The following ZSWIM5 variants were observed in gnomAD, a reference collection of about 807,000 sequenced individuals.
ZSWIM5 encodes the protein zinc finger SWIM-type containing 5, also known as zinc finger SWIM domain-containing protein 5.
ZSWIM5 carries 55 observed loss-of-function variants against 119.6 expected under a neutral mutation model. The observed-to-expected ratio is 0.46, with a 90% CI of 0.37 to 0.58. The LOEUF is 0.58. ZSWIM5 is among the 20% of genes least tolerant of loss of function. The pLI is 0.00. For missense variants in ZSWIM5, 1,193 were observed against 1,512.8 expected (o/e 0.79, Z 3.51); for synonymous variants, 537 against 606.9 (o/e 0.88, Z 1.69).
chr1:45,018,471 G>A lies in ZSWIM5; in HGVS notation c.3541C>T (p.Arg1181Ter). The A allele has an allele frequency of 6.2e-7, 1 of 1,613,946 alleles. No homozygotes were observed. Among genetic ancestry groups the A allele is most frequent in the South Asian group, 1.1e-5 (1 of 91,078 alleles). Residue 1181 changes from arginine (R) to a stop codon, truncating the protein, a stop_gained, in exon 14 of 14, where the codon CGA becomes TGA. Coordinates refer to ENST00000359600, the MANE Select transcript of ZSWIM5 (RefSeq NM_020883.2). LOFTEE classifies it high-confidence loss of function. The surrounding 1 kb of genome is among the most constrained non-coding windows in gnomAD (Gnocchi z 6.7). ...CTGCTCTCTCAGCCAAAGCGCTCTC[G>A]CACCAGCAGCATCAACTTTTTCTTG... ...KGKKKLMLLV[R>*]ERFG
chr1:45,161,914 G>C (rs1004393962), intron 1 of ZSWIM5, among the ~76,000 whole-genome samples: 2 of 152,072 alleles, frequency 1.3e-5, no homozygotes, highest in Admixed American at 1.3e-4. Context: ...AAAATATTAG[G>C]AATCACTGCA....
chr1:45,036,012 C>T lies in ZSWIM5; in HGVS notation c.2155+27G>A, dbSNP rs767051133. ...GCTCAGGGTCATGGGCCAAAGACAC[C>T]GTGACAAGAGACTCTTTTCTACTTA... is the stretch of plus-strand genomic sequence containing the variant. On this transcript the variant is annotated intron_variant, in intron 9 of 13. Coordinates refer to ENST00000359600, the MANE Select transcript of ZSWIM5 (RefSeq NM_020883.2). 1.4e-5 allele frequency: 23 copies of T among 1,605,326 alleles called. No homozygotes were observed. The East Asian group carries it at 2.2e-4, about 16-fold the overall frequency.
chr1:45,079,292 T>C (rs2149007823), intron 2 of ZSWIM5, among the ~76,000 whole-genome samples: 1 of 152,300 alleles, frequency 6.6e-6, no homozygotes, highest in African/African-American at 2.4e-5. Flanking sequence ...CCAGGTGAAA[T>C]AAACAGCCTT....
chr1:45,178,938 T>A (rs1645997216), intron 1 of ZSWIM5, among the ~76,000 whole-genome samples: 1 of 151,950 alleles, frequency 6.6e-6, no homozygotes, highest in Non-Finnish European at 1.5e-5. Context: ...AATAAATAAA[T>A]AAATGAATGA....
intron 2 of ZSWIM5, among the ~76,000 whole-genome samples, chr1:45,061,868 A>G (rs1223766965): frequency 6.7e-6 from 1 of 150,196 alleles, no homozygotes; most frequent in Admixed American, 6.7e-5. Flanking sequence ...AGGCAGGTGG[A>G]TCACTTGAGG....
rs1343086733 is a variant in ZSWIM5 at position 45,036,305 on chromosome 1, G to A, written c.1895-6C>T. ...GGGTCTGCTTTCATTCATATCTGAGGGCAACAGGGCACCAAATTCTTTAGG... is the reference window on the plus strand; with the variant it reads ...GGGTCTGCTTTCATTCATATCTGAGAGCAACAGGGCACCAAATTCTTTAGG... On this transcript the variant is annotated splice_polypyrimidine_tract_variant and splice_region_variant and intron_variant, in intron 8 of 13. Transcript: ENST00000359600. The A allele has an allele frequency of 6.2e-7, 1 of 1,607,120 alleles. No homozygotes were observed. The highest frequency in any genetic ancestry group is 8.5e-7 in the Non-Finnish European group (1 of 1,176,404).
intron 1 of ZSWIM5, among the ~76,000 whole-genome samples, chr1:45,194,547 G>A (rs904499207): frequency 2.0e-5 from 3 of 152,066 alleles, no homozygotes; most frequent in African/African-American, 4.8e-5. Flanking sequence ...AAAGTATTAC[G>A]GGGCATAAAA....
intron 2 of ZSWIM5, among the ~76,000 whole-genome samples, chr1:45,061,196 T>A (rs1050752673): frequency 1.3e-5 from 2 of 152,200 alleles, no homozygotes; most frequent in African/African-American, 4.8e-5. Context: ...GTATCACCTA[T>A]AGCATAGTGC....
intron 1 of ZSWIM5, among the ~76,000 whole-genome samples, chr1:45,130,570 T>TA (rs1368950029): frequency 5.3e-5 from 8 of 150,238 alleles, no homozygotes; most frequent in African/African-American, 7.3e-5. Context: ...ATGGCTAAAA[T>TA]AAAAAAAAAT....
chr1:45,043,117 C>T, intron 6 of ZSWIM5, 102 bp downstream of exon 6: 2 of 1,204,798 alleles, frequency 1.7e-6, no homozygotes, highest in Non-Finnish European at 2.4e-6. Context: ...TGAAAACTGT[C>T]CAAATTGTAG....
At chr1:45,101,803 C>T (rs1388271411) in intron 1 of ZSWIM5, among the ~76,000 whole-genome samples, 1 of 152,140 alleles carries the variant, frequency 6.6e-6, no homozygotes, top group Non-Finnish European at 1.5e-5. Context: ...GAAAACCAAA[C>T]ACCGCATGTT....
intron 1 of ZSWIM5, among the ~76,000 whole-genome samples, chr1:45,147,991 G>A (rs1327962447): frequency 6.6e-6 from 1 of 152,162 alleles, no homozygotes; most frequent in African/African-American, 2.4e-5. Context: ...TGAAGGGATT[G>A]TAATCAAACA....
chr1:45,194,616 ACCTGTAAT>A (rs1013451195), intron 1 of ZSWIM5, among the ~76,000 whole-genome samples: 1 of 152,122 alleles, frequency 6.6e-6, no homozygotes, highest in African/African-American at 2.4e-5. Context: ...GGTGGCTCAC[ACCTGTAAT>A]CCCAGCACTT....
intron 1 of ZSWIM5, among the ~76,000 whole-genome samples, chr1:45,095,647 C>T (rs1645396308): frequency 6.6e-6 from 1 of 152,174 alleles, no homozygotes; most frequent in African/African-American, 2.4e-5. Flanking sequence ...TGCATCACAT[C>T]AGGAGACATA....
intron 1 of ZSWIM5, among the ~76,000 whole-genome samples, chr1:45,118,749 A>G (rs1384203234): frequency 7.1e-6 from 1 of 141,180 alleles, no homozygotes; most frequent in African/African-American, 2.8e-5. Context: ...AAAAAAAAAA[A>G]AAAAAAGAAA....
Position 45,043,204 on chromosome 1 carries a change from G to A in ZSWIM5, c.1609+15C>T. 6.2e-7 allele frequency: 1 copy of A among 1,611,286 alleles called. No individual in the cohort carries two copies. The highest frequency in any genetic ancestry group is 8.5e-7 in the Non-Finnish European group (1 of 1,178,860). ...GAGGGTGGCTCTAAAGTTCTTAGAG[G>A]AGGGCTAGACTTACCAAGCCACAGT... is the stretch of plus-strand genomic sequence containing the variant. On this transcript the variant is annotated intron_variant, in intron 6 of 13. Transcript: ENST00000359600.
intron 1 of ZSWIM5, among the ~76,000 whole-genome samples, chr1:45,121,785 C>T (rs1342227921): frequency 6.6e-6 from 1 of 151,964 alleles, no homozygotes; most frequent in East Asian, 1.9e-4. Flanking sequence ...GACAGGGTCT[C>T]ACTATGTTGC....
chr1:45,142,657 T>C (rs1311806465), intron 1 of ZSWIM5, among the ~76,000 whole-genome samples: 1 of 152,062 alleles, frequency 6.6e-6, no homozygotes, highest in Non-Finnish European at 1.5e-5. Flanking sequence ...AGAAATTGAA[T>C]AGGTGGCCAA....
intron 1 of ZSWIM5, among the ~76,000 whole-genome samples, chr1:45,171,981 T>A (rs6688205): frequency 2.2e-4 from 33 of 152,242 alleles, no homozygotes; most frequent in African/African-American, 7.5e-4. Context: ...TTATTCAGTC[T>A]CTGCTTTAAA....
Sources: gnomAD v4.1 joint callset for allele counts (sites outside exome capture counted in the v4.1 genomes callset) on GRCh38, gnomAD v4.1.1 for gene constraint, Gnocchi (gnomAD v3.1) non-coding constraint, MANE v1.5 for transcripts, NCBI Gene and HGNC (gene_info 2026-07-23, HGNC 2026-07-21) for gene names.